CTNNAL1: variants seen among roughly 807,000 people sequenced by gnomAD.
The protein encoded by CTNNAL1 is catenin alpha like 1.
A neutral mutation model predicts 93.6 loss-of-function variants in CTNNAL1; 69 were observed. The observed-to-expected ratio is 0.74, with a 90% CI of 0.61 to 0.90. The LOEUF is 0.90. CTNNAL1 is among the 40% of genes least tolerant of loss of function. CTNNAL1 has a pLI of 0.00. For synonymous variants in CTNNAL1, 286 were observed against 305.4 expected (o/e 0.94, Z 0.66); for missense variants, 836 against 862.0 (o/e 0.97, Z 0.38).
intron 11 of CTNNAL1, among the ~76,000 whole-genome samples, chr9:108,957,709 A>C (rs1199193239): frequency 6.6e-6 from 1 of 152,222 alleles, no homozygotes; most frequent in Non-Finnish European, 1.5e-5. Flanking sequence ...AACAGAAGAT[A>C]GTCTTCCGGT....
chr9:108,991,284 A>G (rs1176271745), intron 3 of CTNNAL1, among the ~76,000 whole-genome samples: 1 of 152,150 alleles, frequency 6.6e-6, no homozygotes, highest in Admixed American at 6.6e-5. Context: ...TCAGGAAAGC[A>G]GAAGGAACCT....
chr9:108,981,107 G>T (rs1587969992), intron 6 of CTNNAL1, among the ~76,000 whole-genome samples: 1 of 152,260 alleles, frequency 6.6e-6, no homozygotes, highest in Non-Finnish European at 1.5e-5. Flanking sequence ...GCTGTCGGCA[G>T]CAGCCACAGG....
intron 2 of CTNNAL1, among the ~76,000 whole-genome samples, chr9:108,998,378 T>A (rs989083418): frequency 6.7e-6 from 1 of 149,110 alleles, no homozygotes; most frequent in Non-Finnish European, 1.5e-5. Flanking sequence ...TTCTCCTAAC[T>A]CTTACCTTGC....
intron 2 of CTNNAL1, among the ~76,000 whole-genome samples, chr9:108,997,739 C>A (rs1010327306): frequency 1.3e-4 from 20 of 152,192 alleles, no homozygotes; most frequent in Non-Finnish European, 2.8e-4. Context: ...TCTTCTATCA[C>A]ATCCAAACCA....
intron 13 of CTNNAL1, 31 bp downstream of exon 13, chr9:108,952,413 A>T (rs1212675892): frequency 6.2e-7 from 1 of 1,614,070 alleles, no homozygotes; most frequent in Non-Finnish European, 8.5e-7. Flanking sequence ...ATTCATGTTA[A>T]AGGAAGATTA....
chr9:109,000,888 T>A (rs1390569001), intron 1 of CTNNAL1, among the ~76,000 whole-genome samples: 2 of 151,466 alleles, frequency 1.3e-5, no homozygotes, highest in South Asian at 4.2e-4. Context: ...ATTGGCTGGG[T>A]GCGGTGGCTC....
intron 12 of CTNNAL1, among the ~76,000 whole-genome samples, chr9:108,954,960 G>A (rs1007846463): frequency 9.4e-5 from 13 of 138,452 alleles, no homozygotes; most frequent in African/African-American, 3.3e-4. Context: ...ATAATCATCA[G>A]TAATTTTATT....
At chr9:108,960,703 C>G (rs987308002) in intron 11 of CTNNAL1, among the ~76,000 whole-genome samples, 8 of 152,062 alleles carry the variant, frequency 5.3e-5, no homozygotes, top group African/African-American at 1.9e-4. Flanking sequence ...GGATAGAGAC[C>G]GCAAGCTCTG....
chr9:108,963,079 T>C (rs983631813), intron 11 of CTNNAL1, among the ~76,000 whole-genome samples: 1 of 152,162 alleles, frequency 6.6e-6, no homozygotes, highest in African/African-American at 2.4e-5. Flanking sequence ...ATTACTTATA[T>C]TTATAGAAAG....
rs554994570 is a variant in CTNNAL1 at position 108,992,446 on chromosome 9, G to A, written c.519+186C>T. Among the ~76,000 whole-genome samples the A allele has an allele frequency of 2.0e-5, 3 of 151,422 alleles. No homozygotes were observed. The East Asian group carries it at 5.8e-4, about 29-fold the overall frequency. On this transcript the variant is annotated intron_variant, in intron 3 of 18. Transcript: ENST00000325551. ...ATGCATAGCCCCGGGAGGAACCCAG[G>A]GCCACAAGTGCATTCAACGTACAGA...
At chr9:108,959,467 G>A (rs1466075061) in intron 11 of CTNNAL1, among the ~76,000 whole-genome samples, 2 of 151,074 alleles carry the variant, frequency 1.3e-5, no homozygotes, top group Admixed American at 6.6e-5. Context: ...GCCAGCACCT[G>A]TAGTTCTAGA....
intron 1 of CTNNAL1, among the ~76,000 whole-genome samples, chr9:109,007,092 T>A (rs1827050757): frequency 6.6e-6 from 1 of 151,758 alleles, no homozygotes; most frequent in African/African-American, 2.4e-5. Context: ...CCGGGCTTGA[T>A]GTAAGGTGCC....
intron 1 of CTNNAL1, among the ~76,000 whole-genome samples, chr9:109,010,180 C>G (rs1187856953): frequency 2.0e-5 from 3 of 152,154 alleles, no homozygotes; most frequent in African/African-American, 7.2e-5. Context: ...GCTGGGATTA[C>G]AGGCACCAGC....
rs1207900490 is a variant in CTNNAL1 at position 108,979,350 on chromosome 9, TTC to T, written c.1030_1031del (p.Glu344ThrfsTer33). 5.0e-6 allele frequency: 8 copies of T among 1,614,182 alleles called. No homozygotes were observed. Among genetic ancestry groups the T allele is most frequent in the Non-Finnish European group, 6.8e-6 (8 of 1,180,022 alleles). Reference protein sequence around the residue: ...DSAYTSHEHRERILELSTQAR... With the variant: ...DSAYTSHEHRXRILELSTQAR... ...CCTGAGTTGACAGTTCCAAGATGCG[TTC>T]TCTGTGCTCATGGCTGGTGTAGGCA... On this transcript the variant is annotated frameshift_variant, in exon 7 of 19. Coordinates refer to ENST00000325551, the MANE Select transcript of CTNNAL1 (RefSeq NM_003798.4). LOFTEE classifies it high-confidence loss of function.
intron 9 of CTNNAL1, among the ~76,000 whole-genome samples, chr9:108,971,764 G>C (rs955617174): frequency 2.0e-5 from 3 of 152,034 alleles, no homozygotes; most frequent in Non-Finnish European, 4.4e-5. Context: ...AATACAGTTG[G>C]GTTTTTTTTC....
intron 6 of CTNNAL1, among the ~76,000 whole-genome samples, chr9:108,981,083 G>C (rs1356563296): frequency 6.6e-6 from 1 of 152,250 alleles, no homozygotes; most frequent in Non-Finnish European, 1.5e-5. Context: ...GATGGCGAGA[G>C]GGCAGCAGCC....
intron 14 of CTNNAL1, 66 bp downstream of exon 14, chr9:108,952,143 G>T (rs1830579908): frequency 1.5e-6 from 2 of 1,374,138 alleles, no homozygotes; most frequent in African/African-American, 2.9e-5. Context: ...ATTTAACATG[G>T]AACTTTTTTC....
At chr9:108,955,275 C>T (rs1295881627) in intron 12 of CTNNAL1, among the ~76,000 whole-genome samples, 2 of 152,182 alleles carry the variant, frequency 1.3e-5, no homozygotes, top group South Asian at 2.1e-4. Context: ...CATAAGACAC[C>T]GTGCCCAGCC....
intron 6 of CTNNAL1, 21 bp downstream of exon 6, chr9:108,983,124 A>G (rs766041700): frequency 7.1e-7 from 1 of 1,403,916 alleles, no homozygotes; most frequent in Admixed American, 2.8e-5. Context: ...AAAAATAAAA[A>G]TATACTCTCT....
Sources: allele counts gnomAD v4.1 joint callset (sites outside exome capture counted in the v4.1 genomes callset), GRCh38; gene constraint gnomAD v4.1.1; transcripts MANE v1.5; gene names NCBI Gene and HGNC (gene_info 2026-07-23, HGNC 2026-07-21).